Variants in CAST observed in about 807,000 individuals in gnomAD.
CAST encodes the protein MIR583 host.
Under a neutral mutation model 119.6 loss-of-function variants are expected in CAST, and 76 were observed. The observed-to-expected ratio is 0.64, with a 90% CI of 0.53 to 0.77. The LOEUF is 0.77. Among genes scored for constraint, CAST ranks in the 30% least tolerant of loss-of-function variants. CAST has a pLI of 0.00. For synonymous variants in CAST, 319 were observed against 331.6 expected, an observed-to-expected ratio of 0.96 and a Z score of 0.41; for missense variants, 953 against 946.5, an observed-to-expected ratio of 1.01 and a Z score of -0.09.
chr5:96,351,704 A>G, the CAST span, among the ~76,000 whole-genome samples: 1 of 152,102 alleles, frequency 6.6e-6, no homozygotes, highest in Non-Finnish European at 1.5e-5. Flanking sequence ...ATGAGAAAAA[A>G]CTGTTAGAAA....
At chr5:96,637,319 A>C (rs1747899924) in intron 1 of CAST, among the ~76,000 whole-genome samples, 1 of 152,214 alleles carries the variant, frequency 6.6e-6, no homozygotes, top group African/African-American at 2.4e-5. Context: ...TAGCTTGCTC[A>C]AGCTAGTATG....
intron 2 of CAST, among the ~76,000 whole-genome samples, chr5:96,690,628 T>G (rs1014642274): frequency 6.6e-6 from 1 of 152,252 alleles, no homozygotes; most frequent in South Asian, 2.1e-4. Flanking sequence ...TTTACTGCTT[T>G]GCACTTGCAG....
the CAST span, among the ~76,000 whole-genome samples, chr5:96,110,138 A>G: frequency 2.0e-5 from 3 of 152,160 alleles, no homozygotes; most frequent in East Asian, 5.8e-4. Flanking sequence ...GTGACATACA[A>G]CACCAAATAA....
At chr5:95,995,378 A>T in the CAST span, among the ~76,000 whole-genome samples, 1 of 152,142 alleles carries the variant, frequency 6.6e-6, no homozygotes, top group Non-Finnish European at 1.5e-5. Context: ...TGCTTCTTCT[A>T]TCAAACTTTA....
intron 1 of CAST, among the ~76,000 whole-genome samples, chr5:96,534,541 T>G (rs2150178004): frequency 6.6e-6 from 1 of 151,384 alleles, no homozygotes; most frequent in East Asian, 1.9e-4. Flanking sequence ...TAGTGGTGCG[T>G]GCCTGTAATC....
chr5:95,982,451 C>T, the CAST span, among the ~76,000 whole-genome samples: 3 of 152,092 alleles, frequency 2.0e-5, no homozygotes, highest in Non-Finnish European at 2.9e-5. Flanking sequence ...TATTGAGGGT[C>T]CCCAAGGATG....
chr5:96,516,004 C>T, the CAST span, among the ~76,000 whole-genome samples: 2 of 33,510 alleles, frequency 6.0e-5, no homozygotes, highest in Middle Eastern at 0.022. Flanking sequence ...ACACCACTCA[C>T]CTTATAGCCC....
chr5:95,991,421 G>A, the CAST span, among the ~76,000 whole-genome samples: 1 of 150,736 alleles, frequency 6.6e-6, no homozygotes. Flanking sequence ...TAGTTAATGG[G>A]TACAAACATA....
chr5:96,730,916 T>C, intron 9 of CAST, 56 bp downstream of exon 9: 1 of 1,303,722 alleles, frequency 7.7e-7, no homozygotes, highest in Non-Finnish European at 1.1e-6. Context: ...AAGTTTCTTT[T>C]ATGAGAAACG....
At chr5:96,490,690 C>A in the CAST span, among the ~76,000 whole-genome samples, 1 of 151,646 alleles carries the variant, frequency 6.6e-6, no homozygotes, top group African/African-American at 2.4e-5. Context: ...TAATTGCATA[C>A]CTATATAGGA....
the CAST span, among the ~76,000 whole-genome samples, chr5:96,367,700 C>T: frequency 1.3e-5 from 2 of 152,044 alleles, no homozygotes; most frequent in African/African-American, 4.8e-5. Flanking sequence ...GGGAGTGACC[C>T]AATTTTCCAG....
chr5:96,619,863 G>A (rs919847167), intron 1 of CAST, among the ~76,000 whole-genome samples: 6 of 152,188 alleles, frequency 3.9e-5, no homozygotes, highest in Non-Finnish European at 7.3e-5. Flanking sequence ...CTCAGTCTTA[G>A]GCAAGCCAGT....
the CAST span, among the ~76,000 whole-genome samples, chr5:95,971,180 G>A: frequency 6.6e-6 from 1 of 151,972 alleles, no homozygotes; most frequent in African/African-American, 2.4e-5. Context: ...ATTCTGACTT[G>A]GTATATTGAC....
At chr5:96,425,409 AT>A in the CAST span, among the ~76,000 whole-genome samples, 7 of 152,328 alleles carry the variant, frequency 4.6e-5, no homozygotes, top group African/African-American at 1.7e-4. Flanking sequence ...TCATATAAGA[AT>A]TGTCATTCAG....
chr5:96,423,252 C>T, the CAST span: 22 of 1,522,702 alleles, frequency 1.4e-5, no homozygotes, highest in African/African-American at 2.9e-4. Flanking sequence ...AAGGAAAGCC[C>T]TAACTGTGTG....
the CAST span, among the ~76,000 whole-genome samples, chr5:96,255,397 G>C: frequency 6.6e-6 from 1 of 152,094 alleles, no homozygotes; most frequent in Non-Finnish European, 1.5e-5. Context: ...AAAGTGACAA[G>C]GAAAGGCACA....
Position 96,768,066 on chromosome 5 carries a change from T to G in CAST, c.2268+67T>G, listed in dbSNP as rs1356556360. Reference sequence around the variant, plus strand: ...TGTGTATGTGTACATACATATAAGTTTTATTTATTGATTGATCTATCTATC... The same window carrying G: ...TGTGTATGTGTACATACATATAAGTGTTATTTATTGATTGATCTATCTATC... On this transcript the variant is annotated intron_variant, in intron 29 of 31. Coordinates refer to ENST00000675179, the MANE Select transcript of CAST (RefSeq NM_001750.7). 3.0e-6 allele frequency: 3 copies of G among 1,015,036 alleles called. No homozygotes were observed. In the African/African-American group the frequency reaches 4.8e-5, roughly 16 times the overall value. The allele number at this position is 1,015,036 out of a possible 1,614,324, so 62.9% of individuals were successfully genotyped here. A position where few individuals can be genotyped will look rare whatever the true frequency, so the allele number is the denominator to read the frequency against.
chr5:96,408,429 A>G, the CAST span: 2 of 778,144 alleles, frequency 2.6e-6, no homozygotes, highest in Non-Finnish European at 4.5e-6. Context: ...TGACCAGGAA[A>G]CTCAGCTGAT....
the CAST span, among the ~76,000 whole-genome samples, chr5:96,123,242 C>G: frequency 6.6e-6 from 1 of 152,018 alleles, no homozygotes; most frequent in Non-Finnish European, 1.5e-5. Context: ...ACACTCATAT[C>G]CATTATTTTA....
Sources: allele counts gnomAD v4.1 joint callset (sites outside exome capture counted in the v4.1 genomes callset), GRCh38; gene constraint gnomAD v4.1.1; transcripts MANE v1.5; gene names NCBI Gene and HGNC (gene_info 2026-07-23, HGNC 2026-07-21).